Variants in MOB3B observed in about 807,000 individuals in gnomAD.
The protein encoded by MOB3B is MOB kinase activator 3B.
MOB3B carries 7 observed loss-of-function variants against 18.7 expected under a neutral mutation model. That is an observed-to-expected ratio of 0.37 (90% confidence interval 0.21 to 0.70). MOB3B has a LOEUF of 0.70. Ranked by LOEUF, MOB3B falls within the 30% of genes least tolerant of loss-of-function variation. The probability of loss-of-function intolerance (pLI) is 0.52; values close to 1 mark genes in which losing one functional copy is unlikely to be tolerated. For synonymous variants in MOB3B, 111 were observed against 99.9 expected, an observed-to-expected ratio of 1.11 and a Z score of -0.66; for missense variants, 253 against 281.3, an observed-to-expected ratio of 0.90 and a Z score of 0.72.
At chr9:27,362,993 T>C (rs1821294778) in intron 2 of MOB3B, among the ~76,000 whole-genome samples, 2 of 152,178 alleles carry the variant, frequency 1.3e-5, no homozygotes. Context: ...AACTTTCTCA[T>C]TCTATGTAAC....
chr9:27,429,233 A>G (rs563620146), intron 2 of MOB3B, among the ~76,000 whole-genome samples: 1 of 152,140 alleles, frequency 6.6e-6, no homozygotes. Context: ...ACAACTCTCA[A>G]TAATGCTCTA....
intron 2 of MOB3B, among the ~76,000 whole-genome samples, chr9:27,411,640 C>T (rs1822068129): frequency 6.6e-6 from 1 of 151,962 alleles, no homozygotes; most frequent in Non-Finnish European, 1.5e-5. Flanking sequence ...TGAGGAATGC[C>T]AAGGAAAGAA....
chr9:27,474,391 T>G (rs1303898830), intron 1 of MOB3B, among the ~76,000 whole-genome samples: 6 of 152,232 alleles, frequency 3.9e-5, no homozygotes, highest in African/African-American at 1.4e-4. Context: ...GGAACTTCCC[T>G]AGACATCATG....
intron 2 of MOB3B, among the ~76,000 whole-genome samples, chr9:27,406,867 T>G (rs936621930): frequency 6.6e-6 from 1 of 152,082 alleles, no homozygotes; most frequent in African/African-American, 2.4e-5. Context: ...TAGATGGATT[T>G]TGCTCTTGTT....
chr9:27,441,289 T>C (rs1179337342), intron 2 of MOB3B, among the ~76,000 whole-genome samples: 2 of 152,194 alleles, frequency 1.3e-5, no homozygotes, highest in African/African-American at 2.4e-5. Context: ...AGAAGATTCA[T>C]ACCATAGATC....
chr9:27,498,556 C>A (rs547359210), intron 1 of MOB3B, among the ~76,000 whole-genome samples: 1 of 152,274 alleles, frequency 6.6e-6, no homozygotes, highest in Non-Finnish European at 1.5e-5. Flanking sequence ...GGTAGCAGTA[C>A]CCTAGGTTTT....
At chr9:27,338,527 T>A (rs185471682) in intron 3 of MOB3B, among the ~76,000 whole-genome samples, 63 of 152,134 alleles carry the variant, frequency 4.1e-4, no homozygotes, top group African/African-American at 1.5e-3. Context: ...ATCAGGCTGC[T>A]TGCTGCAGGG....
intron 2 of MOB3B, among the ~76,000 whole-genome samples, chr9:27,390,191 G>A (rs978907784): frequency 1.6e-4 from 25 of 152,052 alleles, no homozygotes; most frequent in South Asian, 6.2e-4. Flanking sequence ...AAGTTCAAGC[G>A]TTTCTCTTGC....
chr9:27,365,542 C>T (rs1028269294), intron 2 of MOB3B, among the ~76,000 whole-genome samples: 3 of 151,952 alleles, frequency 2.0e-5, no homozygotes, highest in African/African-American at 7.3e-5. Context: ...AGCAATAATA[C>T]CAGACTGTTA....
chr9:27,422,823 T>C (rs1378074936), intron 2 of MOB3B, among the ~76,000 whole-genome samples: 1 of 152,222 alleles, frequency 6.6e-6, no homozygotes, highest in African/African-American at 2.4e-5. Flanking sequence ...TTATTAAATG[T>C]ACACATAAAC....
At chr9:27,510,874 C>A (rs75402863) in intron 1 of MOB3B, among the ~76,000 whole-genome samples, 2 of 152,332 alleles carry the variant, frequency 1.3e-5, no homozygotes, top group East Asian at 1.9e-4. Context: ...ACTGCAGAGA[C>A]CTTGGCAGGT....
At chr9:27,451,677 G>A (rs922843489) in intron 2 of MOB3B, among the ~76,000 whole-genome samples, 5 of 152,126 alleles carry the variant, frequency 3.3e-5, no homozygotes, top group Non-Finnish European at 7.4e-5. Flanking sequence ...GCAGAAATAT[G>A]CCCAGTATTC....
At chr9:27,343,086 G>A (rs1242849118) in intron 3 of MOB3B, among the ~76,000 whole-genome samples, 1 of 152,010 alleles carries the variant, frequency 6.6e-6, no homozygotes, top group Non-Finnish European at 1.5e-5. Flanking sequence ...CTGTGTCGGT[G>A]TAGAAAGAAG....
At chr9:27,391,764 A>G (rs1264109125) in intron 2 of MOB3B, 1 of 152,194 alleles carries the variant, frequency 6.6e-6, no homozygotes, top group African/African-American at 2.4e-5. Flanking sequence ...TGGAGGTATC[A>G]TATGTTCAGT....
At chr9:27,417,398 AACAAACAAAAC>A (rs1377663864) in intron 2 of MOB3B, among the ~76,000 whole-genome samples, 2 of 151,760 alleles carry the variant, frequency 1.3e-5, no homozygotes, top group African/African-American at 2.4e-5. Flanking sequence ...CAAACAAACA[AACAAACAAAAC>A]GTCAAATGCC....
intron 2 of MOB3B, among the ~76,000 whole-genome samples, chr9:27,396,319 C>A (rs904737955): frequency 1.3e-5 from 2 of 152,086 alleles, no homozygotes; most frequent in Non-Finnish European, 2.9e-5. Flanking sequence ...CTATTCATAG[C>A]TTTCGTCCCT....
chr9:27,385,223 T>C (rs552078784), intron 2 of MOB3B, among the ~76,000 whole-genome samples: 5 of 152,324 alleles, frequency 3.3e-5, no homozygotes, highest in African/African-American at 1.2e-4. Flanking sequence ...TGAATTCTTA[T>C]ATTCACGTAA....
At chr9:27,477,922 A>G (rs1220261642) in intron 1 of MOB3B, among the ~76,000 whole-genome samples, 1 of 152,244 alleles carries the variant, frequency 6.6e-6, no homozygotes, top group African/African-American at 2.4e-5. Context: ...TAACTGCATC[A>G]AGTCAGAATT....
intron 1 of MOB3B, among the ~76,000 whole-genome samples, chr9:27,512,166 T>C (rs1820156968): frequency 1.3e-5 from 2 of 152,156 alleles, no homozygotes. Flanking sequence ...CCCTGACCAC[T>C]GCTTATAAGA....
Sources: allele counts gnomAD v4.1 joint callset (sites outside exome capture counted in the v4.1 genomes callset), GRCh38; gene constraint gnomAD v4.1.1; transcripts MANE v1.5; gene names NCBI Gene and HGNC (gene_info 2026-07-23, HGNC 2026-07-21).